The following ZMYND8 variants were observed in gnomAD, a reference collection of about 807,000 sequenced individuals.
The protein encoded by ZMYND8 is zinc finger MYND-type containing 8.
In ZMYND8, 37 loss-of-function variants were observed where a neutral mutation model predicts 140.8. That is an observed-to-expected ratio of 0.26 (90% confidence interval 0.20 to 0.35). The LOEUF (loss-of-function observed/expected upper bound fraction) is 0.35, where lower values mean the gene tolerates loss of function less well. Ranked by LOEUF, ZMYND8 falls within the 10% of genes least tolerant of loss-of-function variation. The pLI is 1.00. For synonymous variants in ZMYND8, 592 were observed against 597.1 expected, an observed-to-expected ratio of 0.99 and a Z score of 0.12; for missense variants, 1,068 against 1,570.0, an observed-to-expected ratio of 0.68 and a Z score of 5.40.
chr20:47,323,230 T>A (rs1037399473), intron 2 of ZMYND8, among the ~76,000 whole-genome samples: 2 of 152,064 alleles, frequency 1.3e-5, no homozygotes, highest in Admixed American at 6.6e-5. Context: ...AATTTCAAAC[T>A]CATTTCCCCC....
At chr20:47,300,739 G>A (rs184445392) in intron 3 of ZMYND8, among the ~76,000 whole-genome samples, 1 of 152,258 alleles carries the variant, frequency 6.6e-6, no homozygotes, top group East Asian at 1.9e-4. Context: ...ATTTGAGACA[G>A]GGTCTTGCTC....
chr20:47,315,843 CCT>C, intron 2 of ZMYND8, among the ~76,000 whole-genome samples: 1 of 152,250 alleles, frequency 6.6e-6, no homozygotes, highest in South Asian at 2.1e-4. Context: ...CAACCCTCTG[CCT>C]CTCACCCATC....
At chr20:47,322,194 G>A (rs532083197) in intron 2 of ZMYND8, among the ~76,000 whole-genome samples, 1 of 152,086 alleles carries the variant, frequency 6.6e-6, no homozygotes, top group East Asian at 1.9e-4. Context: ...TGAAAGCCCA[G>A]AGAAAACCAG....
chr20:47,249,927 G>A (rs755961539), intron 12 of ZMYND8, among the ~76,000 whole-genome samples: 12 of 152,134 alleles, frequency 7.9e-5, no homozygotes, highest in Non-Finnish European at 1.6e-4. Context: ...ATGCCTATTT[G>A]CCACAGAGGC....
intron 17 of ZMYND8, among the ~76,000 whole-genome samples, chr20:47,229,281 A>G (rs1420399836): frequency 6.6e-6 from 1 of 152,050 alleles, no homozygotes; most frequent in Non-Finnish European, 1.5e-5. Context: ...CTGCGATTAC[A>G]GCCAACATGC....
chr20:47,270,942 C>A (rs1288292776), intron 11 of ZMYND8, among the ~76,000 whole-genome samples: 1 of 151,600 alleles, frequency 6.6e-6, no homozygotes, highest in East Asian at 1.9e-4. Context: ...CCGGGCGTGG[C>A]GGCAGGCACC....
At chr20:47,258,073 T>C (rs1318016397) in intron 12 of ZMYND8, among the ~76,000 whole-genome samples, 1 of 152,114 alleles carries the variant, frequency 6.6e-6, no homozygotes, top group East Asian at 1.9e-4. Flanking sequence ...ACTAGGAGAG[T>C]TCCTGTAATA....
intron 2 of ZMYND8, among the ~76,000 whole-genome samples, chr20:47,330,381 T>TTTTTTG (rs2080839778): frequency 6.7e-6 from 1 of 149,070 alleles, no homozygotes; most frequent in African/African-American, 2.5e-5. Flanking sequence ...TTTTTTTTTT[T>TTTTTTG]GTAGGAACGG....
At chr20:47,287,131 C>T in intron 8 of ZMYND8, 98 bp downstream of exon 8, 1 of 1,104,320 alleles carries the variant, frequency 9.1e-7, no homozygotes, top group Non-Finnish European at 1.4e-6. Context: ...TCCAAAATCA[C>T]CTCGGCTACC....
At chr20:47,254,522 A>G (rs1420162382) in intron 12 of ZMYND8, among the ~76,000 whole-genome samples, 1 of 152,266 alleles carries the variant, frequency 6.6e-6, no homozygotes, top group Non-Finnish European at 1.5e-5. Flanking sequence ...TACAGCTGCT[A>G]AAATGAAATG....
intron 22 of ZMYND8, among the ~76,000 whole-genome samples, 153 bp downstream of exon 22, chr20:47,212,489 C>T (rs759084474): frequency 2.6e-5 from 4 of 152,102 alleles, no homozygotes; most frequent in Non-Finnish European, 4.4e-5. Context: ...AGAGGCACAG[C>T]GAAGAAGAAA....
At chr20:47,304,356 G>A (rs188061040) in intron 3 of ZMYND8, among the ~76,000 whole-genome samples, 31 of 152,226 alleles carry the variant, frequency 2.0e-4, no homozygotes, top group Non-Finnish European at 4.0e-4. Context: ...TTGAGGCTTT[G>A]CAGGCCATAA....
intron 2 of ZMYND8, among the ~76,000 whole-genome samples, chr20:47,333,548 A>G (rs1018966231): frequency 1.3e-5 from 2 of 152,014 alleles, no homozygotes; most frequent in African/African-American, 4.8e-5. Context: ...CAACATGGTG[A>G]AACCTCGTCT....
At chr20:47,328,400 G>A (rs1015866446) in intron 2 of ZMYND8, among the ~76,000 whole-genome samples, 5 of 152,030 alleles carry the variant, frequency 3.3e-5, no homozygotes, top group African/African-American at 1.2e-4. Context: ...TTGTCAAGGA[G>A]ATACACTGAT....
intron 2 of ZMYND8, among the ~76,000 whole-genome samples, chr20:47,334,613 T>C (rs1422947835): frequency 2.0e-5 from 3 of 148,166 alleles, no homozygotes; most frequent in African/African-American, 5.0e-5. Flanking sequence ...AAAATATATA[T>C]ATATATATAT....
intron 3 of ZMYND8, among the ~76,000 whole-genome samples, chr20:47,301,155 CTTTTT>C: frequency 7.5e-6 from 1 of 133,458 alleles, no homozygotes; most frequent in Non-Finnish European, 1.6e-5. Flanking sequence ...TTGCATAATT[CTTTTT>C]TTTTTTTTTT....
chr20:47,324,188 C>A (rs1221499647), intron 2 of ZMYND8, among the ~76,000 whole-genome samples: 5 of 119,604 alleles, frequency 4.2e-5, no homozygotes, highest in African/African-American at 1.4e-4. Context: ...GGCGCCAGAG[C>A]GAGACTCTGT....
chr20:47,273,610 T>C (rs928905738), intron 11 of ZMYND8, among the ~76,000 whole-genome samples: 8 of 152,198 alleles, frequency 5.3e-5, no homozygotes, highest in Non-Finnish European at 1.0e-4. Context: ...CTTAACTGTC[T>C]ACGGCTGCTC....
At chr20:47,255,742 A>ATATATATATATATATATATATATACGG (rs2074619688) in intron 12 of ZMYND8, among the ~76,000 whole-genome samples, 1 of 55,768 alleles carries the variant, frequency 1.8e-5, no homozygotes, top group Non-Finnish European at 3.5e-5. Context: ...ATATATATAT[A>ATATATATATATATATATATATATACGG]TATATATATA....
Sources: gnomAD v4.1 joint callset for allele counts (sites outside exome capture counted in the v4.1 genomes callset) on GRCh38, gnomAD v4.1.1 for gene constraint, MANE v1.5 for transcripts, NCBI Gene and HGNC (gene_info 2026-07-23, HGNC 2026-07-21) for gene names.